PDE10A: variants seen among roughly 807,000 people sequenced by gnomAD.
PDE10A encodes cAMP and cAMP-inhibited cGMP 3',5'-cyclic phosphodiesterase 10A.
PDE10A carries 39 observed loss-of-function variants against 97.7 expected under a neutral mutation model. The observed-to-expected ratio is 0.40, with a 90% CI of 0.31 to 0.52. PDE10A has a LOEUF of 0.52. PDE10A is among the 20% of genes least tolerant of loss of function. The pLI is 0.56. For synonymous variants in PDE10A, 371 were observed against 376.8 expected, an observed-to-expected ratio of 0.98 and a Z score of 0.18; for missense variants, 731 against 1,047.8, an observed-to-expected ratio of 0.70 and a Z score of 4.17.
chr6:165,344,674 C>A (rs1782192394), intron 18 of PDE10A, among the ~76,000 whole-genome samples: 1 of 152,194 alleles, frequency 6.6e-6, no homozygotes, highest in Admixed American at 6.5e-5. Context: ...GTTTGGATAC[C>A]TGGAATACCC....
At chr6:165,825,237 G>C (rs1779700779) in intron 1 of PDE10A, among the ~76,000 whole-genome samples, 1 of 152,100 alleles carries the variant, frequency 6.6e-6, no homozygotes, top group Non-Finnish European at 1.5e-5. Flanking sequence ...TGTGAGCAGG[G>C]CTCTGCCTTG....
intron 1 of PDE10A, among the ~76,000 whole-genome samples, chr6:165,858,322 G>A (rs541534438): frequency 5.9e-5 from 9 of 152,312 alleles, no homozygotes; most frequent in Non-Finnish European, 1.2e-4. Context: ...CTGTTTTGAG[G>A]GAGTGCTCCC....
chr6:165,474,915 C>T (rs770046029), intron 3 of PDE10A, among the ~76,000 whole-genome samples: 1 of 152,084 alleles, frequency 6.6e-6, no homozygotes, highest in Non-Finnish European at 1.5e-5. Context: ...AGAAATAGAG[C>T]GAGTGAGTTT....
intron 21 of PDE10A, among the ~76,000 whole-genome samples, chr6:165,333,409 G>T (rs1781455941): frequency 6.6e-6 from 1 of 152,186 alleles, no homozygotes; most frequent in Admixed American, 6.5e-5. Context: ...TTCTTAGAAA[G>T]AAGGATTAAC....
intron 6 of PDE10A, among the ~76,000 whole-genome samples, chr6:165,433,983 C>G (rs1789801273): frequency 7.3e-6 from 1 of 137,714 alleles, no homozygotes; most frequent in Non-Finnish European, 1.5e-5. Flanking sequence ...AGCCACTGCA[C>G]TCCAGCCTGG....
chr6:165,874,440 G>T (rs915870533), intron 1 of PDE10A, among the ~76,000 whole-genome samples: 6 of 152,324 alleles, frequency 3.9e-5, no homozygotes, highest in African/African-American at 1.4e-4. Flanking sequence ...CAGTTTGTGA[G>T]ACATGCTAAG....
At chr6:165,551,149 G>T (rs1783995372) in intron 1 of PDE10A, among the ~76,000 whole-genome samples, 1 of 152,126 alleles carries the variant, frequency 6.6e-6, no homozygotes, top group Non-Finnish European at 1.5e-5. Context: ...GCATACAATT[G>T]TTCTAGGCTG....
intron 1 of PDE10A, among the ~76,000 whole-genome samples, chr6:165,789,442 A>G (rs943504190): frequency 2.6e-5 from 4 of 152,226 alleles, no homozygotes; most frequent in Admixed American, 1.3e-4. Flanking sequence ...TGAAGCCTAT[A>G]CATGAATAAA....
At chr6:165,877,773 G>A (rs914938533) in intron 1 of PDE10A, among the ~76,000 whole-genome samples, 24 of 152,076 alleles carry the variant, frequency 1.6e-4, no homozygotes, top group Middle Eastern at 3.4e-3. Context: ...TAACGTTCTC[G>A]AAGAGCTTGC....
intron 1 of PDE10A, among the ~76,000 whole-genome samples, chr6:165,678,948 G>A (rs1045235189): frequency 6.6e-5 from 10 of 152,190 alleles, no homozygotes; most frequent in African/African-American, 1.9e-4. Context: ...GTTAAGGAAT[G>A]CATTATTAGA....
At chr6:165,595,317 G>A (rs1212240234) in intron 1 of PDE10A, among the ~76,000 whole-genome samples, 2 of 152,184 alleles carry the variant, frequency 1.3e-5, no homozygotes, top group African/African-American at 4.8e-5. Context: ...CAGAAAAGAT[G>A]GCTCGAAGCC....
chr6:165,488,029 C>CAAAAAAAA (rs58319021), intron 2 of PDE10A, among the ~76,000 whole-genome samples: 4 of 83,406 alleles, frequency 4.8e-5, no homozygotes, highest in Non-Finnish European at 7.6e-5. Flanking sequence ...AACAAATTGG[C>CAAAAAAAA]AAAAAAAAAA....
At chr6:165,708,388 C>G (rs1791774126) in intron 1 of PDE10A, among the ~76,000 whole-genome samples, 1 of 152,024 alleles carries the variant, frequency 6.6e-6, no homozygotes, top group African/African-American at 2.4e-5. Flanking sequence ...CAGGAGGACC[C>G]GTTCATGCAT....
At chr6:165,823,850 T>C (rs1779651458) in intron 1 of PDE10A, among the ~76,000 whole-genome samples, 1 of 152,146 alleles carries the variant, frequency 6.6e-6, no homozygotes, top group African/African-American at 2.4e-5. Flanking sequence ...CTGTCATATA[T>C]GCAATCTGTC....
chr6:165,477,734 A>G (rs1779375286), intron 3 of PDE10A, among the ~76,000 whole-genome samples: 1 of 152,226 alleles, frequency 6.6e-6, no homozygotes. Flanking sequence ...GAAATAAATA[A>G]TATGTTAGAT....
intron 1 of PDE10A, among the ~76,000 whole-genome samples, chr6:165,915,444 C>T (rs191826765): frequency 9.2e-5 from 14 of 152,308 alleles, no homozygotes; most frequent in Admixed American, 5.2e-4. Flanking sequence ...ACAGTGTGTG[C>T]GGAGGGAGTG....
At chr6:165,410,944 C>T (rs1339899366) in intron 13 of PDE10A, among the ~76,000 whole-genome samples, 2 of 31,114 alleles carry the variant, frequency 6.4e-5, no homozygotes, top group African/African-American at 8.2e-4. Flanking sequence ...AAAAAATAGC[C>T]GGGCGTGGTG....
intron 1 of PDE10A, among the ~76,000 whole-genome samples, chr6:165,933,326 C>T (rs1209636979): frequency 2.6e-5 from 4 of 152,134 alleles, no homozygotes; most frequent in African/African-American, 4.8e-5. Flanking sequence ...GAGAGAGAAA[C>T]TAAAACCTAC....
chr6:165,393,796 T>TA (rs998550333), intron 15 of PDE10A, among the ~76,000 whole-genome samples: 1 of 152,088 alleles, frequency 6.6e-6, no homozygotes, highest in African/African-American at 2.4e-5. Context: ...CCTAAATGAG[T>TA]AAAAAAGAGC....
Sources: gnomAD v4.1 joint callset for allele counts (sites outside exome capture counted in the v4.1 genomes callset) on GRCh38, gnomAD v4.1.1 for gene constraint, MANE v1.5 for transcripts, NCBI Gene and HGNC (gene_info 2026-07-23, HGNC 2026-07-21) for gene names.